LPP: variants seen among roughly 807,000 people sequenced by gnomAD.
LPP encodes LIM domain containing preferred translocation partner in lipoma.
LPP carries 38 observed loss-of-function variants against 60.4 expected under a neutral mutation model. That is an observed-to-expected ratio of 0.63 (90% CI 0.49 to 0.83). The LOEUF is 0.83. Among genes scored for constraint, LPP ranks in the 40% least tolerant of loss-of-function variants. The pLI is 0.00. For synonymous variants in LPP, 328 were observed against 290.8 expected, an observed-to-expected ratio of 1.13 and a Z score of -1.30; for missense variants, 902 against 783.6, an observed-to-expected ratio of 1.15 and a Z score of -1.80.
At chr3:188,386,615 C>T (rs115440565) in intron 3 of LPP, among the ~76,000 whole-genome samples, 1,539 of 152,218 alleles carry the variant, frequency 0.01, 29 homozygotes, top group African/African-American at 0.035. Flanking sequence ...TATGAATTTT[C>T]CCCGAAGAAT....
intron 6 of LPP, among the ~76,000 whole-genome samples, chr3:188,581,169 A>G (rs1835994617): frequency 2.0e-5 from 3 of 152,138 alleles, no homozygotes; most frequent in Admixed American, 2.0e-4. Flanking sequence ...AATCTGTGGT[A>G]GAGAAGCAAC....
In LPP at chr3:188,610,487, A is replaced by C. The variant is rs1213569387; in HGVS notation, c.1113+643A>C. On this transcript the variant is annotated intron_variant, in intron 7 of 11. Coordinates refer to ENST00000617246, the MANE Select transcript of LPP (RefSeq NM_001375462.1). This position sits in a 1 kb window ranked among gnomAD's most constrained non-coding sequence, Gnocchi z 4.4. ...TCCTTTGAGAAGGGGCTGCAGTATA[A>C]TGCAGCTTGTTTGTGACCCCTTGTT... 6.6e-6 allele frequency among the ~76,000 whole-genome samples: 1 copy of C among 152,226 alleles called. No homozygotes were observed. The highest frequency in any genetic ancestry group is 1.5e-5 in the Non-Finnish European group (1 of 68,042).
At chr3:188,568,033 A>C (rs1832612922) in intron 6 of LPP, 1 of 152,004 alleles carries the variant, frequency 6.6e-6, no homozygotes, top group Non-Finnish European at 1.5e-5. Flanking sequence ...TAATTCACTT[A>C]CTGGACCCAA....
chr3:188,230,506 A>G (rs1719509919), intron 2 of LPP, among the ~76,000 whole-genome samples: 2 of 152,160 alleles, frequency 1.3e-5, no homozygotes, highest in African/African-American at 4.8e-5. Context: ...AAAATAGGCC[A>G]GGCGTAGTGG....
intron 6 of LPP, among the ~76,000 whole-genome samples, chr3:188,580,785 A>G (rs940055533): frequency 6.6e-6 from 1 of 152,308 alleles, no homozygotes; most frequent in Admixed American, 6.5e-5. Flanking sequence ...ATTAATTGGG[A>G]AGGAGTAGCT....
intron 4 of LPP, among the ~76,000 whole-genome samples, chr3:188,438,302 A>T (rs1181636400): frequency 6.6e-6 from 1 of 151,302 alleles, no homozygotes; most frequent in African/African-American, 2.4e-5. Flanking sequence ...TTATAATGAG[A>T]ATACTAGTAA....
At chr3:188,703,308 T>A (rs1409008937) in intron 7 of LPP, among the ~76,000 whole-genome samples, 1 of 152,228 alleles carries the variant, frequency 6.6e-6, no homozygotes, top group African/African-American at 2.4e-5. Context: ...AACAAATAAG[T>A]TGGACACAGT....
intron 6 of LPP, among the ~76,000 whole-genome samples, chr3:188,581,713 C>G (rs182147658): frequency 1.3e-5 from 2 of 152,216 alleles, no homozygotes; most frequent in South Asian, 2.1e-4. Context: ...CTTATCATTG[C>G]TTCGCTCTAT....
Position 188,875,782 on chromosome 3 carries a change from C to T in LPP, c.*1303C>T, listed in dbSNP as rs541715744. On this transcript the variant is annotated 3_prime_UTR_variant, in exon 12 of 12. Coordinates refer to ENST00000617246, the MANE Select transcript of LPP (RefSeq NM_001375462.1). ...AATCTTTATTCAAACTTTTATTAGC[C>T]AGTGAAACACTTGCTTGCCAACTGC... 3.9e-4 allele frequency: 77 copies of T among 197,546 alleles called. 1 individual carries two copies. In the South Asian group the frequency reaches 0.014, roughly 36 times the overall value. The allele number at this position is 197,546 out of a possible 1,614,324, so 12.2% of individuals were successfully genotyped here. A position where few individuals can be genotyped will look rare whatever the true frequency, so the allele number is the denominator to read the frequency against.
At chr3:188,240,436 T>G (rs1560144907) in intron 2 of LPP, among the ~76,000 whole-genome samples, 2 of 151,160 alleles carry the variant, frequency 1.3e-5, no homozygotes, top group Middle Eastern at 3.4e-3. Context: ...AGAGGTCAGA[T>G]TGTTTGACAG....
rs1334523948 is a variant in LPP, at chr3:188,877,684, A to AAAAAT, written c.*3220_*3224dup. On this transcript the variant is annotated 3_prime_UTR_variant, in exon 12 of 12. Coordinates refer to ENST00000617246, the MANE Select transcript of LPP (RefSeq NM_001375462.1). ...AACATAGTGAGACCTTGTCTCTACA[A>AAAAAT]AAAATAAAATAAAATAAAAACCAAA... 1 of 190,748 alleles carries AAAAAT rather than the reference A, an allele frequency of 5.2e-6. No homozygotes were observed. Among genetic ancestry groups the AAAAAT allele is most frequent in the South Asian group, 1.9e-4 (1 of 5,146 alleles). The allele number at this position is 190,748 out of a possible 1,614,324, so 11.8% of individuals were successfully genotyped here. A position where few individuals can be genotyped will look rare whatever the true frequency, so the allele number is the denominator to read the frequency against.
chr3:188,527,898 G>T (rs555282294), intron 6 of LPP, among the ~76,000 whole-genome samples: 11 of 152,022 alleles, frequency 7.2e-5, no homozygotes, highest in Admixed American at 2.6e-4. Context: ...TAGCAACAGT[G>T]TTTCTGGCTG....
At chr3:188,513,558 ATTG>A (rs1466472755) in intron 5 of LPP, among the ~76,000 whole-genome samples, 2 of 151,934 alleles carry the variant, frequency 1.3e-5, no homozygotes, top group Non-Finnish European at 2.9e-5. Flanking sequence ...TAATATATGT[ATTG>A]TTCCTTATTA....
chr3:188,486,841 CAGAT>C (rs1184589810), intron 5 of LPP, among the ~76,000 whole-genome samples: 1 of 152,132 alleles, frequency 6.6e-6, no homozygotes, highest in Non-Finnish European at 1.5e-5. Context: ...TTTTATGTAA[CAGAT>C]AGAACCTTTG....
At chr3:188,215,614 C>T (rs916923512) in intron 1 of LPP, among the ~76,000 whole-genome samples, 3 of 152,144 alleles carry the variant, frequency 2.0e-5, no homozygotes, top group African/African-American at 7.2e-5. Flanking sequence ...AGAATTTCTC[C>T]TTTTTAAGGG....
chr3:188,394,236 C>G (rs1030772438), intron 3 of LPP, among the ~76,000 whole-genome samples: 1 of 152,154 alleles, frequency 6.6e-6, no homozygotes, highest in Non-Finnish European at 1.5e-5. Flanking sequence ...ATATAAAGGT[C>G]TGCTATGTAT....
intron 6 of LPP, among the ~76,000 whole-genome samples, chr3:188,542,158 C>G (rs542286801): frequency 5.5e-4 from 84 of 152,262 alleles, no homozygotes; most frequent in South Asian, 5.0e-3. Flanking sequence ...TACCTAGAAA[C>G]GTGAATGTCA....
At chr3:188,454,789 G>A (rs920128141) in intron 4 of LPP, among the ~76,000 whole-genome samples, 2 of 152,152 alleles carry the variant, frequency 1.3e-5, no homozygotes, top group African/African-American at 4.8e-5. Context: ...CATGAGAACA[G>A]TATGGGGGGA....
At position 188,380,695 on chromosome 3, in the gene LPP, CT is replaced by C. The variant is rs1776645466; in HGVS notation, c.-9-25416del. On this transcript the variant is annotated intron_variant, in intron 3 of 11. Coordinates refer to ENST00000617246, the MANE Select transcript of LPP (RefSeq NM_001375462.1). ...AATTAAGGTTTAGTGGTCCATGAACCTCCTGAAATTGTTTGCAAAATTATCT... is the reference window on the plus strand; with the variant it reads ...AATTAAGGTTTAGTGGTCCATGAACCCCTGAAATTGTTTGCAAAATTATCT... Among the ~76,000 whole-genome samples the C allele has an allele frequency of 3.9e-5, 6 of 152,282 alleles. No homozygotes were observed. In the South Asian group the frequency reaches 1.2e-3, roughly 32 times the overall value.
Sources: allele counts gnomAD v4.1 joint callset (sites outside exome capture counted in the v4.1 genomes callset), GRCh38; gene constraint gnomAD v4.1.1; non-coding constraint Gnocchi (gnomAD v3.1); transcripts MANE v1.5; gene names NCBI Gene and HGNC (gene_info 2026-07-23, HGNC 2026-07-21).